The following TMEM229B variants were observed in gnomAD, a reference collection of about 807,000 sequenced individuals.
TMEM229B encodes chromosome 14 open reading frame 83.
TMEM229B carries 6 observed loss-of-function variants against 13.7 expected under a neutral mutation model. The observed-to-expected ratio is 0.44, with a 90% CI of 0.24 to 0.86. The LOEUF (loss-of-function observed/expected upper bound fraction) is 0.86, where lower values mean the gene tolerates loss of function less well. Among genes scored for constraint, TMEM229B ranks in the 40% least tolerant of loss-of-function variants. The pLI, the probability that TMEM229B is intolerant of heterozygous loss-of-function variation, is 0.23. For missense variants in TMEM229B, 170 were observed against 236.0 expected (o/e 0.72, Z 1.83); for synonymous variants, 107 against 102.1 (o/e 1.05, Z -0.29).
chr14:67,478,650 T>A (rs1277143929), intron 2 of TMEM229B, among the ~76,000 whole-genome samples: 1 of 152,210 alleles, frequency 6.6e-6, no homozygotes, highest in Non-Finnish European at 1.5e-5. Flanking sequence ...TCACAACTCG[T>A]CCCTGCCTCC....
intron 1 of TMEM229B, among the ~76,000 whole-genome samples, chr14:67,502,277 G>A (rs547339330): frequency 6.6e-6 from 1 of 151,792 alleles, no homozygotes; most frequent in South Asian, 2.1e-4. Context: ...GTTGCAGTGA[G>A]CCGAGATCGT....
exon 1 of TMEM229B, chr14:67,515,407 CCGGCGG>C (rs552146261): frequency 3.9e-5 from 7 of 178,828 alleles, no homozygotes; most frequent in East Asian, 1.7e-4. Context: ...AAAGGAGCCC[CCGGCGG>C]CGGCGGCGGC....
chr14:67,486,421 C>T (rs1338426375), intron 2 of TMEM229B, among the ~76,000 whole-genome samples: 1 of 152,224 alleles, frequency 6.6e-6, no homozygotes, highest in Non-Finnish European at 1.5e-5. Context: ...ACCACAGGTG[C>T]ATGCCACAAT....
rs1402546137 is a variant in TMEM229B, at chr14:67,488,659, C to T, written c.-343G>A. 6.6e-6 allele frequency: 1 copy of T among 152,432 alleles called. No homozygotes were observed. Among genetic ancestry groups the T allele is most frequent in the East Asian group, 1.9e-4 (1 of 5,202 alleles). 9.4% of individuals were successfully genotyped at this position (152,432 alleles called of 1,614,324 possible). A position where few individuals can be genotyped will look rare whatever the true frequency, so the allele number is the denominator to read the frequency against. ...GACCATGTGCCTGGGGAGTTCAATC[C>T]CACCTGTGGAGACTTCTCCCCACCC... On this transcript the variant is annotated 5_prime_UTR_variant, in exon 1 of 3. Transcript: ENST00000554480.
intron 1 of TMEM229B, among the ~76,000 whole-genome samples, chr14:67,513,355 G>C (rs140092731): frequency 5.3e-4 from 80 of 152,298 alleles, no homozygotes; most frequent in Admixed American, 1.4e-3. Context: ...TGCTTCTCTG[G>C]TGCAGTACCT....
In TMEM229B at chr14:67,471,538, CA is replaced by C. The variant is rs1343445483; in HGVS notation, c.*1881del. On this transcript the variant is annotated 3_prime_UTR_variant, in exon 3 of 3. Coordinates refer to ENST00000554480, the MANE Select transcript of TMEM229B (RefSeq NM_001348543.2). ...CGGAAGCCTGATTCTCTGTAACCCC[CA>C]AAGCCCTGGAATTGGGGCCACAATA... The C allele has an allele frequency of 1.3e-5, 2 of 152,176 alleles. No homozygotes were observed. Among genetic ancestry groups the C allele is most frequent in the Non-Finnish European group, 2.9e-5 (2 of 68,044 alleles). 9.4% of individuals were successfully genotyped at this position (152,176 alleles called of 1,614,324 possible). A position where few individuals can be genotyped will look rare whatever the true frequency, so the allele number is the denominator to read the frequency against.
upstream of TMEM229B, among the ~76,000 whole-genome samples, chr14:67,520,032 T>C (rs2033268207): frequency 6.6e-6 from 1 of 152,138 alleles, no homozygotes; most frequent in South Asian, 2.1e-4. Flanking sequence ...CTAGACTTTA[T>C]TTTTTACAGT....
upstream of TMEM229B, among the ~76,000 whole-genome samples, chr14:67,491,204 G>T (rs1251740581): frequency 6.6e-6 from 1 of 152,190 alleles, no homozygotes; most frequent in African/African-American, 2.4e-5. Context: ...ATCACAAAGG[G>T]TGCAGATGAG....
Position 67,473,356 on chromosome 14 carries a change from C to T in TMEM229B, c.*64G>A. 5.1e-6 allele frequency: 8 copies of T among 1,575,200 alleles called. No homozygotes were observed. Among genetic ancestry groups the T allele is most frequent in the Non-Finnish European group, 6.9e-6 (8 of 1,160,674 alleles). On this transcript the variant is annotated 3_prime_UTR_variant, in exon 3 of 3. Coordinates refer to ENST00000554480, the MANE Select transcript of TMEM229B (RefSeq NM_001348543.2). This position sits in a 1 kb window ranked among gnomAD's most constrained non-coding sequence, Gnocchi z 6.5. ...TTGCTGCATGGATGGGGCAACCTCA[C>T]CAGCTTGGTCTCTTTGTCCATGAGT...
intron 1 of TMEM229B, among the ~76,000 whole-genome samples, chr14:67,511,805 A>G (rs1200826422): frequency 2.0e-5 from 3 of 152,196 alleles, no homozygotes; most frequent in Non-Finnish European, 4.4e-5. Flanking sequence ...AGGGGAGGAG[A>G]GCCGAAGGCC....
At chr14:67,481,783 T>C (rs2031603016) in intron 2 of TMEM229B, among the ~76,000 whole-genome samples, 1 of 152,064 alleles carries the variant, frequency 6.6e-6, no homozygotes, top group Non-Finnish European at 1.5e-5. Flanking sequence ...CTCCTTCCAC[T>C]AGCTCCTTGC....
chr14:67,514,324 A>G (rs1437523768), intron 1 of TMEM229B, among the ~76,000 whole-genome samples: 1 of 152,130 alleles, frequency 6.6e-6, no homozygotes, highest in Non-Finnish European at 1.5e-5. Flanking sequence ...GAGGGAAAGG[A>G]AGATACCTGG....
chr14:67,496,759 C>T (rs1004594939), intron 1 of TMEM229B, among the ~76,000 whole-genome samples: 2 of 131,010 alleles, frequency 1.5e-5, no homozygotes, highest in Non-Finnish European at 3.3e-5. Context: ...TCCTTCCTCC[C>T]TCCCTCCCTT....
upstream of TMEM229B, among the ~76,000 whole-genome samples, chr14:67,516,139 T>C (rs1048541501): frequency 3.3e-5 from 5 of 152,194 alleles, no homozygotes; most frequent in Non-Finnish European, 7.3e-5. Context: ...CCCCTTGGAC[T>C]GGTCCTGGGT....
chr14:67,478,388 T>C (rs1276778457), intron 2 of TMEM229B, among the ~76,000 whole-genome samples: 1 of 152,238 alleles, frequency 6.6e-6, no homozygotes, highest in African/African-American at 2.4e-5. Flanking sequence ...CTCCTCTTCA[T>C]TACTCTTCTC....
intron 2 of TMEM229B, among the ~76,000 whole-genome samples, chr14:67,484,864 T>A (rs1254038288): frequency 6.6e-6 from 1 of 152,250 alleles, no homozygotes; most frequent in African/African-American, 2.4e-5. Context: ...GTCACCATAA[T>A]ATACTTATTC....
intron 1 of TMEM229B, among the ~76,000 whole-genome samples, chr14:67,532,111 T>C (rs2033478880): frequency 1.3e-5 from 2 of 152,142 alleles, no homozygotes; most frequent in Non-Finnish European, 2.9e-5. Flanking sequence ...TGAAGTCCCA[T>C]TGGCCCAGTT....
intron 1 of TMEM229B, among the ~76,000 whole-genome samples, chr14:67,514,527 T>C (rs2033134679): frequency 6.6e-6 from 1 of 151,768 alleles, no homozygotes; most frequent in Non-Finnish European, 1.5e-5. Flanking sequence ...CATCACCCAG[T>C]TTTTCCATGC....
At chr14:67,496,409 T>TTTTTTTG (rs2032380013) in intron 1 of TMEM229B, among the ~76,000 whole-genome samples, 1 of 133,084 alleles carries the variant, frequency 7.5e-6, no homozygotes, top group African/African-American at 2.7e-5. Flanking sequence ...TTTTTTTTTT[T>TTTTTTTG]TTTTTTTTTT....
Sources: allele counts gnomAD v4.1 joint callset (sites outside exome capture counted in the v4.1 genomes callset), GRCh38; gene constraint gnomAD v4.1.1; non-coding constraint Gnocchi (gnomAD v3.1); transcripts MANE v1.5; gene names NCBI Gene and HGNC (gene_info 2026-07-23, HGNC 2026-07-21).